The following FBXL7 variants were observed in gnomAD, a reference collection of about 807,000 sequenced individuals.
FBXL7 encodes the protein F-box and leucine rich repeat protein 7, also known as F-box/LRR-repeat protein 7.
Under a neutral mutation model 38.3 loss-of-function variants are expected in FBXL7, and 12 were observed. That is an observed-to-expected ratio of 0.31 (90% CI 0.20 to 0.51). The LOEUF is 0.51. FBXL7 is among the 20% of genes least tolerant of loss of function. The pLI, the probability that FBXL7 is intolerant of heterozygous loss-of-function variation, is 0.98. For synonymous variants in FBXL7, 297 were observed against 300.9 expected, an observed-to-expected ratio of 0.99 and a Z score of 0.13; for missense variants, 567 against 676.4, an observed-to-expected ratio of 0.84 and a Z score of 1.79.
chr5:15,740,883 T>C lies in FBXL7; in HGVS notation c.127+124811T>C, dbSNP rs140941342. ...TCACAGATGTATCCAAATTCCCTAA[T>C]TGTTTAAACAAAGAGAAGAACACAA... On this transcript the variant is annotated intron_variant, in intron 2 of 3. Coordinates refer to ENST00000504595, the MANE Select transcript of FBXL7 (RefSeq NM_012304.5). 1.4e-3 allele frequency among the ~76,000 whole-genome samples: 220 copies of C among 152,350 alleles called. 6 individuals are homozygous for C. In the South Asian group the frequency reaches 0.043, roughly 30 times the overall value.
chr5:15,577,705 G>A (rs568653179), intron 1 of FBXL7, among the ~76,000 whole-genome samples: 1 of 151,540 alleles, frequency 6.6e-6, no homozygotes, highest in Non-Finnish European at 1.5e-5. Context: ...TTCTAAAGTT[G>A]TTAAGAAAAA....
At chr5:15,650,852 A>G (rs1741684846) in intron 2 of FBXL7, among the ~76,000 whole-genome samples, 1 of 152,132 alleles carries the variant, frequency 6.6e-6, no homozygotes, top group Non-Finnish European at 1.5e-5. Context: ...TTCTCTTGCT[A>G]TTTCCACCAC....
At position 15,603,127 on chromosome 5, in the gene FBXL7, A is replaced by G. The variant is rs990379931; in HGVS notation, c.38-12856A>G. On this transcript the variant is annotated intron_variant, in intron 1 of 3. Coordinates refer to ENST00000504595, the MANE Select transcript of FBXL7 (RefSeq NM_012304.5). ...AGTGTTGAGATTACAGGCAGGAGCC[A>G]CTGCCCAACCTCATACTGCATTTAT... Among the ~76,000 whole-genome samples the G allele has an allele frequency of 9.8e-5, 15 of 152,348 alleles. No individual in the cohort carries two copies. The East Asian group carries it at 2.7e-3, about 27-fold the overall frequency.
intron 2 of FBXL7, among the ~76,000 whole-genome samples, chr5:15,822,384 G>T (rs1054950258): frequency 2.6e-5 from 4 of 151,836 alleles, no homozygotes; most frequent in African/African-American, 9.7e-5. Context: ...AAACATAAAA[G>T]AAACATGCAA....
chr5:15,878,341 A>G lies in FBXL7; in HGVS notation c.128-49549A>G, dbSNP rs188093668. Reference sequence around the variant, plus strand: ...CATACTGAAACACACAATAAACTCAAAGTGATGCCCTACAAATAATGCCTT... The same window carrying G: ...CATACTGAAACACACAATAAACTCAGAGTGATGCCCTACAAATAATGCCTT... On this transcript the variant is annotated intron_variant, in intron 2 of 3. Transcript: ENST00000504595. 3.5e-3 allele frequency among the ~76,000 whole-genome samples: 527 copies of G among 152,264 alleles called. 14 individuals are homozygous for G. Among genetic ancestry groups the G allele is most frequent in the Admixed American group, 0.027 (412 of 15,286 alleles).
chr5:15,572,681 T>C (rs914613196), intron 1 of FBXL7, among the ~76,000 whole-genome samples: 1 of 152,118 alleles, frequency 6.6e-6, no homozygotes, highest in African/African-American at 2.4e-5. Flanking sequence ...GATGGGCCCA[T>C]GTCATGCTGG....
chr5:15,547,607 T>C (rs371478956), intron 1 of FBXL7, among the ~76,000 whole-genome samples: 9 of 152,224 alleles, frequency 5.9e-5, no homozygotes, highest in African/African-American at 2.2e-4. Flanking sequence ...GAATAGAGTC[T>C]CATCTGCACA....
At chr5:15,710,549 G>A (rs773588902) in intron 2 of FBXL7, among the ~76,000 whole-genome samples, 7 of 152,098 alleles carry the variant, frequency 4.6e-5, no homozygotes, top group African/African-American at 7.2e-5. Flanking sequence ...AGCTATCACC[G>A]TATGATGCCG....
At chr5:15,772,268 G>A (rs1352774037) in intron 2 of FBXL7, among the ~76,000 whole-genome samples, 1 of 152,100 alleles carries the variant, frequency 6.6e-6, no homozygotes, top group Non-Finnish European at 1.5e-5. Context: ...GAGATGTCAG[G>A]CACAGTTTAC....
At chr5:15,804,773 G>A (rs867656093) in intron 2 of FBXL7, among the ~76,000 whole-genome samples, 3 of 152,114 alleles carry the variant, frequency 2.0e-5, no homozygotes, top group East Asian at 1.9e-4. Flanking sequence ...TCTAGGTTGC[G>A]TATTTCTTAT....
intron 1 of FBXL7, among the ~76,000 whole-genome samples, chr5:15,565,318 C>T (rs1468800639): frequency 6.6e-6 from 1 of 151,992 alleles, no homozygotes; most frequent in Non-Finnish European, 1.5e-5. Context: ...TGAACGGAAA[C>T]CTTCATCCTC....
intron 2 of FBXL7, among the ~76,000 whole-genome samples, chr5:15,829,343 G>T (rs1424878282): frequency 6.6e-6 from 1 of 152,040 alleles, no homozygotes; most frequent in African/African-American, 2.4e-5. Context: ...CTGGAAATTT[G>T]TAACTGCAAA....
At chr5:15,544,872 G>A (rs979392783) in intron 1 of FBXL7, among the ~76,000 whole-genome samples, 1 of 152,114 alleles carries the variant, frequency 6.6e-6, no homozygotes, top group African/African-American at 2.4e-5. Flanking sequence ...CTTTTTAGCC[G>A]TCTTATTCAT....
rs1346302199 is a variant in FBXL7, at chr5:15,838,188, A to G, written c.128-89702A>G. On this transcript the variant is annotated intron_variant, in intron 2 of 3. Transcript: ENST00000504595. ...CTCAGTCCTCTGTTTTAGTCCATTC[A>G]GGCTGCTATAACAAAGTGCCATATA... 2.0e-5 allele frequency among the ~76,000 whole-genome samples: 3 copies of G among 152,260 alleles called. No homozygotes were observed. In the East Asian group the frequency reaches 5.8e-4, roughly 29 times the overall value.
intron 1 of FBXL7, among the ~76,000 whole-genome samples, chr5:15,571,858 G>A (rs1232084544): frequency 6.6e-6 from 1 of 152,122 alleles, no homozygotes; most frequent in Non-Finnish European, 1.5e-5. Context: ...TAAAGTGACT[G>A]CGTGCATCAT....
At chr5:15,572,028 T>A (rs1192936964) in intron 1 of FBXL7, among the ~76,000 whole-genome samples, 1 of 152,158 alleles carries the variant, frequency 6.6e-6, no homozygotes, top group East Asian at 1.9e-4. Context: ...ATGTGAAATA[T>A]CTAACCTTTA....
At chr5:15,895,531 T>C (rs1741069779) in intron 2 of FBXL7, among the ~76,000 whole-genome samples, 2 of 152,058 alleles carry the variant, frequency 1.3e-5, no homozygotes, top group African/African-American at 4.8e-5. Flanking sequence ...ACTTAGTGAA[T>C]ATTTCATTTG....
At chr5:15,626,544 C>CTGTGTGTGTGTGTGTGTGTGTG (rs71603784) in intron 2 of FBXL7, among the ~76,000 whole-genome samples, 66 of 148,342 alleles carry the variant, frequency 4.4e-4, no homozygotes, top group South Asian at 1.3e-3. Flanking sequence ...AATTCGTTTC[C>CTGTGTGTGTGTGTGTGTGTGTG]TGTGTGTGTG....
chr5:15,572,664 G>C (rs1433949163), intron 1 of FBXL7, among the ~76,000 whole-genome samples: 1 of 152,122 alleles, frequency 6.6e-6, no homozygotes, highest in African/African-American at 2.4e-5. Context: ...GGCTTTGATG[G>C]GGTGGAGATG....
Sources: allele counts gnomAD v4.1 joint callset (sites outside exome capture counted in the v4.1 genomes callset), GRCh38; gene constraint gnomAD v4.1.1; transcripts MANE v1.5; gene names NCBI Gene and HGNC (gene_info 2026-07-23, HGNC 2026-07-21).